MOB1B: variants seen among roughly 807,000 people sequenced by gnomAD.
MOB1B encodes MOB kinase activator 1B.
In MOB1B, 19 loss-of-function variants were observed where a neutral mutation model predicts 24.4. The ratio of observed to expected loss-of-function variants is 0.78; its 90% CI spans 0.54 to 1.14. MOB1B has a LOEUF of 1.14. Ranked by LOEUF, MOB1B falls within the 50% of genes most tolerant of loss-of-function variation. The pLI, the probability that MOB1B is intolerant of heterozygous loss-of-function variation, is 0.00. For missense variants in MOB1B, 243 were observed against 259.6 expected (o/e 0.94, Z 0.44); for synonymous variants, 76 against 82.1 (o/e 0.93, Z 0.40).
intron 1 of MOB1B, among the ~76,000 whole-genome samples, chr4:70,938,925 C>CT (rs1166613211): frequency 1.3e-5 from 2 of 152,008 alleles, no homozygotes; most frequent in African/African-American, 4.8e-5. Flanking sequence ...TTACAGGCAC[C>CT]TGCCAGCACC....
At chr4:70,974,991 C>T (rs1302423315) in intron 3 of MOB1B, among the ~76,000 whole-genome samples, 162 bp from the exon 4 acceptor site, 1 of 152,104 alleles carries the variant, frequency 6.6e-6, no homozygotes, top group South Asian at 2.1e-4. Context: ...TTGTGATAAA[C>T]GCAAAGTAGT....
chr4:70,916,459 T>A (rs1256944930), intron 1 of MOB1B, among the ~76,000 whole-genome samples: 1 of 152,238 alleles, frequency 6.6e-6, no homozygotes, highest in Non-Finnish European at 1.5e-5. Flanking sequence ...CAAGAGTTGC[T>A]TACCCAAGGT....
chr4:70,971,494 GACTC>G (rs1408352196), intron 3 of MOB1B, among the ~76,000 whole-genome samples: 1 of 142,754 alleles, frequency 7.0e-6, no homozygotes, highest in Non-Finnish European at 1.5e-5. Context: ...GATAGAGTGA[GACTC>G]TGTCTCAAAA....
chr4:70,923,923 G>A (rs1234132894), intron 1 of MOB1B, among the ~76,000 whole-genome samples: 2 of 141,870 alleles, frequency 1.4e-5, no homozygotes, highest in South Asian at 2.2e-4. Context: ...CTCCAGCCTG[G>A]GCAACAGAGT....
At chr4:70,922,995 T>A (rs185953772) in intron 1 of MOB1B, among the ~76,000 whole-genome samples, 87 of 152,196 alleles carry the variant, frequency 5.7e-4, no homozygotes, top group African/African-American at 2.0e-3. Flanking sequence ...TAAAGCAGTC[T>A]CCATGGCAGT....
intron 1 of MOB1B, among the ~76,000 whole-genome samples, chr4:70,935,869 T>TTTTTTTTTTTTTTTTTA: frequency 6.7e-6 from 1 of 148,226 alleles, no homozygotes; most frequent in African/African-American, 2.5e-5. Flanking sequence ...TTTTTTTTTT[T>TTTTTTTTTTTTTTTTTA]GAGACGGAGT....
rs140206637 is a variant in MOB1B at position 70,940,672 on chromosome 4, A to G, written c.15-18202A>G. Among the ~76,000 whole-genome samples, 683 of 150,138 alleles carry G rather than the reference A, an allele frequency of 4.5e-3. 8 individuals are homozygous for G. The highest frequency in any genetic ancestry group is 0.016 in the African/African-American group (652 of 40,622). Reference sequence around the variant, plus strand: ...TTAATAATAAAAATAATATTAGGGCATTAATTTTTTTTTTTTTTTTTGAGA... The same window carrying G: ...TTAATAATAAAAATAATATTAGGGCGTTAATTTTTTTTTTTTTTTTTGAGA... On this transcript the variant is annotated intron_variant, in intron 1 of 5. Transcript: ENST00000309395.
At chr4:70,939,640 A>G (rs28651830) in intron 1 of MOB1B, among the ~76,000 whole-genome samples, 3,103 of 152,288 alleles carry the variant, frequency 0.02, 94 homozygotes, top group African/African-American at 0.069. Flanking sequence ...TGTCCCCCTT[A>G]AAGGGTGTGC....
At chr4:70,953,139 A>T (rs1003576958) in intron 1 of MOB1B, among the ~76,000 whole-genome samples, 1 of 151,694 alleles carries the variant, frequency 6.6e-6, no homozygotes, top group African/African-American at 2.4e-5. Flanking sequence ...GGGTTTCACC[A>T]TGTTGGCCAG....
At chr4:70,945,720 C>G (rs1400200133) in intron 1 of MOB1B, among the ~76,000 whole-genome samples, 1 of 152,164 alleles carries the variant, frequency 6.6e-6, no homozygotes, top group Non-Finnish European at 1.5e-5. Context: ...TTTTGAGAAA[C>G]TCATGGTGCT....
At chr4:70,903,563 A>G (rs1735607732) in intron 1 of MOB1B, among the ~76,000 whole-genome samples, 1 of 152,202 alleles carries the variant, frequency 6.6e-6, no homozygotes, top group Admixed American at 6.5e-5. Flanking sequence ...AACTAATAAA[A>G]AACTTAGAAG....
intron 2 of MOB1B, among the ~76,000 whole-genome samples, chr4:70,962,412 T>G (rs879113205): frequency 2.0e-5 from 3 of 152,210 alleles, no homozygotes; most frequent in African/African-American, 4.8e-5. Context: ...GCAGCTGATC[T>G]TGACAAAGAA....
In MOB1B at chr4:70,975,136, T is replaced by G; in HGVS notation, c.276-17T>G. The G allele has an allele frequency of 6.3e-7, 1 of 1,579,270 alleles. No individual in the cohort carries two copies. The highest frequency in any genetic ancestry group is 8.6e-7 in the Non-Finnish European group (1 of 1,166,966). Reference sequence around the variant, plus strand: ...TATATACTAATCTTCTGTGTGCTTTTTATCTCTCCAATGCAGATATGAGTA... The same window carrying G: ...TATATACTAATCTTCTGTGTGCTTTGTATCTCTCCAATGCAGATATGAGTA... On this transcript the variant is annotated splice_polypyrimidine_tract_variant and intron_variant, in intron 3 of 5. Coordinates refer to ENST00000309395, the MANE Select transcript of MOB1B (RefSeq NM_173468.4).
intron 1 of MOB1B, among the ~76,000 whole-genome samples, chr4:70,952,832 C>T (rs959456533): frequency 6.6e-6 from 1 of 150,668 alleles, no homozygotes; most frequent in African/African-American, 2.4e-5. Context: ...TTTGGGCATA[C>T]AGTGTTGCTA....
intron 2 of MOB1B, 130 bp downstream of exon 2, chr4:70,959,170 T>A (rs1033593220): frequency 1.4e-6 from 1 of 690,592 alleles, no homozygotes; most frequent in Admixed American, 3.2e-5. Flanking sequence ...TATCTCAATC[T>A]AACTTTAACC....
chr4:70,929,815 T>C (rs1228161461), intron 1 of MOB1B, among the ~76,000 whole-genome samples: 1 of 152,122 alleles, frequency 6.6e-6, no homozygotes, highest in Non-Finnish European at 1.5e-5. Flanking sequence ...CCAGCTAATT[T>C]TTTGTATTTT....
intron 4 of MOB1B, among the ~76,000 whole-genome samples, chr4:70,978,417 T>G (rs1442346762): frequency 1.3e-5 from 2 of 152,224 alleles, no homozygotes; most frequent in Admixed American, 6.5e-5. Context: ...ACGACTGGGT[T>G]ATTTCATTTC....
chr4:70,965,796 CAAAAAAAAAAAAAAA>C (rs71211986), intron 2 of MOB1B, among the ~76,000 whole-genome samples: 1 of 28,704 alleles, frequency 3.5e-5, no homozygotes, highest in Admixed American at 4.8e-4. Context: ...GACTCCGTCT[CAAAAAAAAAAAAAAA>C]AAAAAAAAAA....
intron 3 of MOB1B, among the ~76,000 whole-genome samples, chr4:70,971,389 C>T (rs1321810142): frequency 6.6e-6 from 1 of 151,484 alleles, no homozygotes; most frequent in Non-Finnish European, 1.5e-5. Flanking sequence ...TCTGTAATCC[C>T]AGCCACTCAG....
Sources: gnomAD v4.1 joint callset for allele counts (sites outside exome capture counted in the v4.1 genomes callset) on GRCh38, gnomAD v4.1.1 for gene constraint, MANE v1.5 for transcripts, NCBI Gene and HGNC (gene_info 2026-07-23, HGNC 2026-07-21) for gene names.